The following MBP variants were observed in gnomAD, a reference collection of about 807,000 sequenced individuals.
MBP encodes Golli-MBP.
Under a neutral mutation model 35.8 loss-of-function variants are expected in MBP, and 16 were observed. The observed-to-expected ratio is 0.45, with a 90% CI of 0.30 to 0.68. The LOEUF is 0.68. Ranked by LOEUF, MBP falls within the 30% of genes least tolerant of loss-of-function variation. The probability of loss-of-function intolerance (pLI) is 0.08; values close to 1 mark genes in which losing one functional copy is unlikely to be tolerated. For synonymous variants in MBP, 143 were observed against 159.6 expected, an observed-to-expected ratio of 0.90 and a Z score of 0.78; for missense variants, 380 against 404.7, an observed-to-expected ratio of 0.94 and a Z score of 0.52.
At chr18:77,018,178 C>T (rs962890269) in intron 3 of MBP, among the ~76,000 whole-genome samples, 1 of 151,932 alleles carries the variant, frequency 6.6e-6, no homozygotes, top group Non-Finnish European at 1.5e-5. Context: ...TCCATCCATA[C>T]ACACACCCAC....
At chr18:76,998,298 C>T (rs562773583) in intron 4 of MBP, among the ~76,000 whole-genome samples, 2 of 150,392 alleles carry the variant, frequency 1.3e-5, no homozygotes, top group East Asian at 4.0e-4. Context: ...TACCGCAGTG[C>T]CCTCCAGGCG....
rs1316850677 is a variant in MBP, at chr18:76,988,257, C to G, written c.750+238G>C. 3.0e-5 allele frequency: 46 copies of G among 1,550,304 alleles called. No homozygotes were observed. Among genetic ancestry groups the G allele is most frequent in the Middle Eastern group, 1.7e-4 (1 of 6,014 alleles). ...AACCCTCTGGGAGAAGAGGATCTGG[C>G]CTTGCAGGGCTGGGTCCCCGGCACA... is the stretch of plus-strand genomic sequence containing the variant. On this transcript the variant is annotated intron_variant, in intron 7 of 8. Transcript: ENST00000355994. The surrounding 1 kb of genome is among the most constrained non-coding windows in gnomAD (Gnocchi z 5.2).
chr18:77,123,679 G>T (rs928037668), intron 1 of MBP, among the ~76,000 whole-genome samples: 1 of 152,230 alleles, frequency 6.6e-6, no homozygotes, highest in East Asian at 1.9e-4. Context: ...ATGTGTGCAG[G>T]TGGCTGCAGA....
At chr18:76,985,050 G>T in intron 7 of MBP, 156 bp from the exon 8 acceptor site, 5 of 1,479,294 alleles carry the variant, frequency 3.4e-6, no homozygotes, top group Non-Finnish European at 4.6e-6. Context: ...CACGCTGAGG[G>T]GGTGGGGGCG....
chr18:77,048,661 A>C (rs1456215264), intron 3 of MBP, among the ~76,000 whole-genome samples: 3 of 151,902 alleles, frequency 2.0e-5, no homozygotes, highest in Non-Finnish European at 4.4e-5. Flanking sequence ...ACGGGGTTTC[A>C]CCATGTTGGT....
chr18:77,011,541 T>C (rs1441066144), intron 4 of MBP, among the ~76,000 whole-genome samples: 2 of 152,162 alleles, frequency 1.3e-5, no homozygotes, highest in Non-Finnish European at 2.9e-5. Context: ...GGGGTAGCCA[T>C]AAGACATCCC....
At chr18:77,073,861 C>T (rs1465898962) in intron 2 of MBP, among the ~76,000 whole-genome samples, 1 of 152,216 alleles carries the variant, frequency 6.6e-6, no homozygotes, top group Non-Finnish European at 1.5e-5. Flanking sequence ...CACAGCCAAA[C>T]CCAACTTCAC....
intron 1 of MBP, among the ~76,000 whole-genome samples, chr18:77,125,228 C>T (rs1251572039): frequency 6.6e-6 from 1 of 152,152 alleles, no homozygotes; most frequent in East Asian, 1.9e-4. Context: ...CTTTGTGGGG[C>T]CTTCTAATCT....
At chr18:77,114,780 G>A (rs976348358) in intron 1 of MBP, 4 of 152,434 alleles carry the variant, frequency 2.6e-5, no homozygotes, top group African/African-American at 9.6e-5. Flanking sequence ...AGGAGCATAG[G>A]TCAGGTCCTG....
intron 8 of MBP, 131 bp from the exon 9 acceptor site, chr18:76,980,602 C>T: frequency 1.4e-6 from 1 of 693,750 alleles, no homozygotes; most frequent in African/African-American, 1.8e-5. Flanking sequence ...AGAAATGGCA[C>T]CCCGGAGAGC....
At chr18:77,069,757 C>A (rs560935387) in intron 2 of MBP, among the ~76,000 whole-genome samples, 10 of 152,272 alleles carry the variant, frequency 6.6e-5, no homozygotes, top group African/African-American at 2.4e-4. Flanking sequence ...AATTTTGTGT[C>A]CTGTGCGCCA....
chr18:77,125,343 G>C (rs1373126351), intron 1 of MBP, among the ~76,000 whole-genome samples: 1 of 151,908 alleles, frequency 6.6e-6, no homozygotes, highest in African/African-American at 2.4e-5. Context: ...ATATTAAAAA[G>C]CACAGATAAT....
In MBP at chr18:77,128,744, G is replaced by A. The variant is rs148125219; in HGVS notation, c.-26+3836C>T. Among the ~76,000 whole-genome samples, 1,057 of 152,268 alleles carry A rather than the reference G, an allele frequency of 6.9e-3. 8 individuals are homozygous for A. Among genetic ancestry groups the A allele is most frequent in the Middle Eastern group, 0.017 (5 of 294 alleles). On this transcript the variant is annotated intron_variant, in intron 1 of 8. Coordinates refer to ENST00000355994, the MANE Select transcript of MBP (RefSeq NM_001025101.2). ...TCTCAAAACAGGGTTTTACTACATTGCTTCAGTGAATATCCACTGTGTGTG... is the reference window on the plus strand; with the variant it reads ...TCTCAAAACAGGGTTTTACTACATTACTTCAGTGAATATCCACTGTGTGTG...
At chr18:77,009,859 T>A in intron 4 of MBP, 1 of 1,589,590 alleles carries the variant, frequency 6.3e-7, no homozygotes, top group Admixed American at 1.8e-5. Flanking sequence ...CTTGTACATG[T>A]TGCACAGCCC....
At position 76,980,111 on chromosome 18, in the gene MBP, G is replaced by T. The variant is rs2123025283; in HGVS notation, c.*316C>A. On this transcript the variant is annotated 3_prime_UTR_variant, in exon 9 of 9. Coordinates refer to ENST00000355994, the MANE Select transcript of MBP (RefSeq NM_001025101.2). Reference sequence around the variant, plus strand: ...GAAAAGAAAGTCCAAGGGTGGAGGGGTGAACGTGGAGGGACGTCTGTGCAC... The same window carrying T: ...GAAAAGAAAGTCCAAGGGTGGAGGGTTGAACGTGGAGGGACGTCTGTGCAC... The T allele has an allele frequency of 1.5e-6, 1 of 686,390 alleles. No homozygotes were observed. Among genetic ancestry groups the T allele is most frequent in the Non-Finnish European group, 2.6e-6 (1 of 378,846 alleles). The allele number at this position is 686,390 out of a possible 1,614,324, so 42.5% of individuals were successfully genotyped here. A position where few individuals can be genotyped will look rare whatever the true frequency, so the allele number is the denominator to read the frequency against.
Position 77,034,927 on chromosome 18 carries a change from C to T in MBP, c.140-17659G>A, listed in dbSNP as rs191373115. Among the ~76,000 whole-genome samples the T allele has an allele frequency of 2.8e-3, 429 of 152,346 alleles. 1 individual carries two copies. The highest frequency in any genetic ancestry group is 4.6e-3 in the Non-Finnish European group (316 of 68,036). ...TGTTTCCTGAAGCCCGGGTGTGCTG[C>T]ATGATGTCAAAAGCTGGTCTTTGAA... On this transcript the variant is annotated intron_variant, in intron 3 of 8. Coordinates refer to ENST00000355994, the MANE Select transcript of MBP (RefSeq NM_001025101.2).
At chr18:77,049,570 T>G (rs1191484575) in intron 3 of MBP, among the ~76,000 whole-genome samples, 1 of 152,192 alleles carries the variant, frequency 6.6e-6, no homozygotes, top group Non-Finnish European at 1.5e-5. Flanking sequence ...AGGAAAAGAG[T>G]AAGGGTCATT....
chr18:77,069,593 A>C (rs1974348266), intron 2 of MBP, among the ~76,000 whole-genome samples: 1 of 152,204 alleles, frequency 6.6e-6, no homozygotes, highest in Non-Finnish European at 1.5e-5. Context: ...CGCATCTTAG[A>C]AATGAGGCGT....
At chr18:77,114,194 G>A (rs551573192) in intron 1 of MBP, 2 of 152,328 alleles carry the variant, frequency 1.3e-5, no homozygotes, top group East Asian at 1.9e-4. Flanking sequence ...TAGATTTATG[G>A]CACTGACTAT....
Sources: gnomAD v4.1 joint callset for allele counts (sites outside exome capture counted in the v4.1 genomes callset) on GRCh38, gnomAD v4.1.1 for gene constraint, Gnocchi (gnomAD v3.1) non-coding constraint, MANE v1.5 for transcripts, NCBI Gene and HGNC (gene_info 2026-07-23, HGNC 2026-07-21) for gene names.